Variants in ALDH18A1 observed in about 807,000 individuals in gnomAD.
ALDH18A1 encodes the protein delta-1-pyrroline-5-carboxylate synthase.
ALDH18A1 carries 44 observed loss-of-function variants against 88.8 expected under a neutral mutation model. That is an observed-to-expected ratio of 0.50 (90% CI 0.39 to 0.64). The LOEUF is 0.64. ALDH18A1 is among the 30% of genes least tolerant of loss of function. ALDH18A1 has a pLI of 0.00. For missense variants in ALDH18A1, 782 were observed against 1,009.5 expected, an observed-to-expected ratio of 0.77 and a Z score of 3.05; for synonymous variants, 331 against 372.1, an observed-to-expected ratio of 0.89 and a Z score of 1.27.
Position 95,606,458 on chromosome 10 carries a change from T to C in ALDH18A1, c.*304A>G. ...TCACTGAGGTGACACAAAGCAGCCA[T>C]GGGTTTTCCTCGCCTTTTTTATGGG... On this transcript the variant is annotated 3_prime_UTR_variant, in exon 18 of 18. Transcript: ENST00000371224. 8.1e-7 allele frequency: 1 copy of C among 1,235,644 alleles called. No individual in the cohort carries two copies. The highest frequency in any genetic ancestry group is 1.7e-5 in the South Asian group (1 of 57,358). The allele number at this position is 1,235,644 out of a possible 1,614,324, so 76.5% of individuals were successfully genotyped here.
intron 15 of ALDH18A1, among the ~76,000 whole-genome samples, chr10:95,611,724 T>C (rs1589479863): frequency 6.6e-6 from 1 of 151,994 alleles, no homozygotes; most frequent in Non-Finnish European, 1.5e-5. Flanking sequence ...GTAATCCCAG[T>C]ACTTTGGGAG....
chr10:95,653,402 G>A lies in ALDH18A1; in HGVS notation c.-25C>T, dbSNP rs112728164. The A allele has an allele frequency of 5.5e-5, 89 of 1,612,178 alleles. No homozygotes were observed. The African/African-American group carries it at 9.5e-4, about 17-fold the overall frequency. ...TGCTGCGATGTGGTCACTAACCAAA[G>A]TATCTGCAGAATACATTTTTTAAAA... On this transcript the variant is annotated 5_prime_UTR_variant, in exon 2 of 18. Transcript: ENST00000371224.
At chr10:95,645,865 T>G (rs2097900492) in intron 2 of ALDH18A1, among the ~76,000 whole-genome samples, 5 of 152,188 alleles carry the variant, frequency 3.3e-5, no homozygotes, top group Admixed American at 3.3e-4. Context: ...GGCTAAGTTT[T>G]ATGGAGTGCT....
intron 11 of ALDH18A1, among the ~76,000 whole-genome samples, chr10:95,624,721 T>C (rs2097858017): frequency 6.6e-6 from 1 of 152,198 alleles, no homozygotes; most frequent in Non-Finnish European, 1.5e-5. Flanking sequence ...TTAGCACCTC[T>C]AGGGTATTTC....
intron 2 of ALDH18A1, among the ~76,000 whole-genome samples, chr10:95,650,917 T>G (rs1396948181): frequency 6.6e-6 from 1 of 152,136 alleles, no homozygotes; most frequent in Non-Finnish European, 1.5e-5. Flanking sequence ...GGGGATCACT[T>G]GAGGTCAGGA....
rs763347133 is a variant in ALDH18A1, at chr10:95,637,237, G to C, written c.454-40C>G. On this transcript the variant is annotated intron_variant, in intron 4 of 17. Coordinates refer to ENST00000371224, the MANE Select transcript of ALDH18A1 (RefSeq NM_002860.4). ...TGAGACAAGGTGTGGTAGGGAATGA[G>C]GGAAGAAGACCTGAAGATCCATTTC... 9 of 1,614,218 alleles carry C rather than the reference G, an allele frequency of 5.6e-6. No homozygotes were observed. In the South Asian group the frequency reaches 9.9e-5, roughly 18 times the overall value.
intron 3 of ALDH18A1, among the ~76,000 whole-genome samples, chr10:95,638,766 T>C (rs1301501208): frequency 6.6e-6 from 1 of 152,208 alleles, no homozygotes; most frequent in Non-Finnish European, 1.5e-5. Flanking sequence ...ACTCAAGATG[T>C]AATAAAGTCA....
At chr10:95,651,588 G>C (rs2139664847) in intron 2 of ALDH18A1, among the ~76,000 whole-genome samples, 1 of 152,322 alleles carries the variant, frequency 6.6e-6, no homozygotes, top group Middle Eastern at 3.4e-3. Context: ...AATCATGGCA[G>C]AAGGCAAAGG....
At chr10:95,608,729 C>T (rs553091104) in intron 17 of ALDH18A1, among the ~76,000 whole-genome samples, 3 of 152,154 alleles carry the variant, frequency 2.0e-5, no homozygotes, top group African/African-American at 7.2e-5. Context: ...TCGAACTCCC[C>T]GACTCATGAG....
In ALDH18A1 at chr10:95,625,373, T is replaced by C. The variant is rs1156241969; in HGVS notation, c.1235A>G (p.Glu412Gly). ...TGCCTGGTCTTTACCCTCTGCCTCCTCCAAGTCTTTTTTGTTGGCTAACAG... is the reference window on the plus strand; with the variant it reads ...TGCCTGGTCTTTACCCTCTGCCTCCCCCAAGTCTTTTTTGTTGGCTAACAG... ...EILLANKKDL[E>G]EAEGRLAAPL... Residue 412 changes from glutamate to glycine, a missense_variant, in exon 11 of 18, where the codon GAG becomes GGG. Physicochemically the swap from Glu to Gly is moderately conservative, Grantham distance 98 (BLOSUM62 -2). Around this residue, in one of 3 missense-constraint regions of ALDH18A1, gnomAD observed 556 missense variants for 654.5 expected, o/e 0.85. Coordinates refer to ENST00000371224, the MANE Select transcript of ALDH18A1 (RefSeq NM_002860.4). The C allele has an allele frequency of 6.2e-7, 1 of 1,614,086 alleles. No homozygotes were observed. The highest frequency in any genetic ancestry group is 1.7e-5 in the Admixed American group (1 of 60,020).
chr10:95,621,502 G>T lies in ALDH18A1; in HGVS notation c.1247-251C>A, dbSNP rs79135160. Among the ~76,000 whole-genome samples, 55 of 151,948 alleles carry T rather than the reference G, an allele frequency of 3.6e-4. 1 individual carries two copies. In the East Asian group the frequency reaches 9.9e-3, roughly 27 times the overall value. On this transcript the variant is annotated intron_variant, in intron 11 of 17. Coordinates refer to ENST00000371224, the MANE Select transcript of ALDH18A1 (RefSeq NM_002860.4). ...GCCTGGCTTATTTTTGTAGAGATGG[G>T]GGTTTCACCAGGTTGGCCAGGTTGA...
chr10:95,617,694 T>C (rs142628286), intron 12 of ALDH18A1, among the ~76,000 whole-genome samples: 166 of 152,336 alleles, frequency 1.1e-3, no homozygotes, highest in African/African-American at 3.9e-3. Context: ...TTAGGATTCA[T>C]GGATTCTGTG....
intron 17 of ALDH18A1, among the ~76,000 whole-genome samples, chr10:95,608,587 G>C (rs1455402968): frequency 6.6e-6 from 1 of 152,090 alleles, no homozygotes; most frequent in Non-Finnish European, 1.5e-5. Flanking sequence ...CTGCAGCCTC[G>C]AACTCCTGGG....
intron 3 of ALDH18A1, among the ~76,000 whole-genome samples, chr10:95,641,148 CT>C (rs1318722409): frequency 2.0e-5 from 3 of 152,146 alleles, no homozygotes; most frequent in African/African-American, 7.2e-5. Context: ...CTTTTCCCCT[CT>C]GTTTGTGCAA....
At chr10:95,634,147 C>G (rs2097876363) in intron 5 of ALDH18A1, among the ~76,000 whole-genome samples, 1 of 152,184 alleles carries the variant, frequency 6.6e-6, no homozygotes, top group Non-Finnish European at 1.5e-5. Flanking sequence ...TTCAAGACTT[C>G]TTGCAAAAGT....
At chr10:95,645,393 A>C (rs2097899568) in intron 2 of ALDH18A1, among the ~76,000 whole-genome samples, 1 of 152,118 alleles carries the variant, frequency 6.6e-6, no homozygotes, top group Admixed American at 6.6e-5. Context: ...TTCCCTTTAT[A>C]TTGTCTGTCT....
chr10:95,619,713 G>T (rs1251587666), intron 12 of ALDH18A1, among the ~76,000 whole-genome samples: 1 of 152,188 alleles, frequency 6.6e-6, no homozygotes, highest in Non-Finnish European at 1.5e-5. Flanking sequence ...AATAAATGGT[G>T]CTGGGAAAAC....
chr10:95,650,192 C>T (rs1201371683), intron 2 of ALDH18A1, among the ~76,000 whole-genome samples: 2 of 152,042 alleles, frequency 1.3e-5, no homozygotes, highest in African/African-American at 4.8e-5. Context: ...GACTTGACCC[C>T]AAAAGTACAA....
intron 1 of ALDH18A1, 87 bp from the exon 2 acceptor site, chr10:95,653,492 T>TA: frequency 8.8e-7 from 1 of 1,138,700 alleles, no homozygotes; most frequent in Non-Finnish European, 1.3e-6. Flanking sequence ...ACCCTCGGAG[T>TA]AAAAATCTGA....
Sources: allele counts gnomAD v4.1 joint callset (sites outside exome capture counted in the v4.1 genomes callset), GRCh38; gene constraint gnomAD v4.1.1; regional missense constraint gnomAD v4.1.1; transcripts MANE v1.5; gene names NCBI Gene and HGNC (gene_info 2026-07-23, HGNC 2026-07-21).